The following GRIA4 variants were observed in gnomAD, a reference collection of about 807,000 sequenced individuals.
The protein encoded by GRIA4 is glutamate receptor 4.
GRIA4 carries 34 observed loss-of-function variants against 104.0 expected under a neutral mutation model. The ratio of observed to expected loss-of-function variants is 0.33; its 90% confidence interval spans 0.25 to 0.44. GRIA4 has a LOEUF of 0.44. Ranked by LOEUF, GRIA4 falls within the 20% of genes least tolerant of loss-of-function variation. The pLI, the probability that GRIA4 is intolerant of heterozygous loss-of-function variation, is 1.00. For synonymous variants in GRIA4, 386 were observed against 381.9 expected (o/e 1.01, Z -0.13); for missense variants, 750 against 1,096.5 (o/e 0.68, Z 4.46).
chr11:105,626,702 C>T (rs902391994), intron 3 of GRIA4, among the ~76,000 whole-genome samples: 3 of 152,298 alleles, frequency 2.0e-5, no homozygotes, highest in South Asian at 2.1e-4. Flanking sequence ...GTCTGTTGAT[C>T]ATGAGAGTTC....
At position 105,806,706 on chromosome 11, in the gene GRIA4, T is replaced by C. The variant is rs532098236; in HGVS notation, c.487+53486T>C. ...CTAGTGAGCTTTTTAGTGCCTTATT[T>C]GTAAATATTAGTGCACAGCCACTGA... On this transcript the variant is annotated intron_variant, in intron 4 of 16. Transcript: ENST00000282499. 8.6e-5 allele frequency among the ~76,000 whole-genome samples: 13 copies of C among 151,588 alleles called. 1 individual carries two copies. The South Asian group carries it at 2.5e-3, about 29-fold the overall frequency.
At chr11:105,673,876 T>C (rs1952453331) in intron 3 of GRIA4, among the ~76,000 whole-genome samples, 1 of 152,066 alleles carries the variant, frequency 6.6e-6, no homozygotes, top group African/African-American at 2.4e-5. Context: ...TTCTAAAAAT[T>C]AGCCATATCA....
In GRIA4 at chr11:105,981,083, A is replaced by T. The variant is rs1431216867; in HGVS notation, c.*1344A>T. The T allele has an allele frequency of 6.6e-6, 1 of 152,664 alleles. No individual in the cohort carries two copies. The highest frequency in any genetic ancestry group is 1.5e-5 in the Non-Finnish European group (1 of 68,044). The allele number at this position is 152,664 out of a possible 1,614,324, so 9.5% of individuals were successfully genotyped here. A position where few individuals can be genotyped will look rare whatever the true frequency, so the allele number is the denominator to read the frequency against. ...TCATAATAGCTTGGGGTAGATAACA[A>T]ATGAAGAATTAGTCTTTGTTTTCAA... On this transcript the variant is annotated 3_prime_UTR_variant, in exon 17 of 17. Transcript: ENST00000282499.
At chr11:105,789,732 GAA>G (rs1942132790) in intron 4 of GRIA4, among the ~76,000 whole-genome samples, 1 of 152,072 alleles carries the variant, frequency 6.6e-6, no homozygotes, top group Admixed American at 6.6e-5. Flanking sequence ...TTACTTAAAA[GAA>G]AAACACTAAA....
chr11:105,951,518 G>T (rs1173358945), intron 14 of GRIA4, among the ~76,000 whole-genome samples: 1 of 152,192 alleles, frequency 6.6e-6, no homozygotes, highest in Non-Finnish European at 1.5e-5. Context: ...GGAATGGCCT[G>T]AGGCAGGGAC....
intron 3 of GRIA4, among the ~76,000 whole-genome samples, chr11:105,711,571 T>A (rs1454159156): frequency 6.6e-6 from 1 of 152,148 alleles, no homozygotes. Flanking sequence ...AAATAACCTG[T>A]AAATGAACCC....
At chr11:105,785,389 T>C (rs1421164856) in intron 4 of GRIA4, among the ~76,000 whole-genome samples, 1 of 152,116 alleles carries the variant, frequency 6.6e-6, no homozygotes, top group African/African-American at 2.4e-5. Context: ...TTCTATTAAA[T>C]GAGGAATAAG....
chr11:105,768,758 T>C (rs1207082651), intron 4 of GRIA4, among the ~76,000 whole-genome samples: 1 of 152,050 alleles, frequency 6.6e-6, no homozygotes, highest in Non-Finnish European at 1.5e-5. Flanking sequence ...TTATTTGCTA[T>C]GTGTACCATG....
At chr11:105,859,594 C>G (rs1204806244) in intron 4 of GRIA4, among the ~76,000 whole-genome samples, 2 of 152,094 alleles carry the variant, frequency 1.3e-5, no homozygotes, top group African/African-American at 4.8e-5. Flanking sequence ...ACATGGATGC[C>G]TAGTCCTGAC....
At chr11:105,824,462 G>A (rs188270917) in intron 4 of GRIA4, among the ~76,000 whole-genome samples, 5 of 152,090 alleles carry the variant, frequency 3.3e-5, no homozygotes, top group Admixed American at 2.0e-4. Flanking sequence ...CCACCTACAC[G>A]TGTTGCTTCC....
chr11:105,712,658 T>C (rs1051995152), intron 3 of GRIA4, among the ~76,000 whole-genome samples: 2 of 152,078 alleles, frequency 1.3e-5, no homozygotes, highest in African/African-American at 2.4e-5. Context: ...GCTTAGTGAA[T>C]CCGTTTCACA....
chr11:105,850,360 A>G (rs1944760066), intron 4 of GRIA4, among the ~76,000 whole-genome samples: 1 of 152,220 alleles, frequency 6.6e-6, no homozygotes, highest in African/African-American at 2.4e-5. Context: ...TTATCCCTGC[A>G]TCAATAAAAG....
chr11:105,887,776 AAGAG>A (rs1946319443), intron 6 of GRIA4, among the ~76,000 whole-genome samples: 1 of 152,180 alleles, frequency 6.6e-6, no homozygotes, highest in African/African-American at 2.4e-5. Flanking sequence ...GTATCTGCTA[AAGAG>A]ACCTTTAAAA....
chr11:105,726,923 G>A (rs1366942309), intron 3 of GRIA4, among the ~76,000 whole-genome samples: 1 of 151,918 alleles, frequency 6.6e-6, no homozygotes, highest in Non-Finnish European at 1.5e-5. Context: ...CCACAAAGAT[G>A]AGGAAAAACC....
rs189925157 is a variant in GRIA4, at chr11:105,894,039, T to C, written c.727-4230T>C. Among the ~76,000 whole-genome samples the C allele has an allele frequency of 3.3e-3, 498 of 152,300 alleles. 4 individuals carry two copies. The highest frequency in any genetic ancestry group is 0.011 in the African/African-American group (473 of 41,570). On this transcript the variant is annotated intron_variant, in intron 6 of 16. Transcript: ENST00000282499. ...ATGAAATAAATATCTGTTGAGTGAATTAATTGATAATAGTGATCATTTACT... is the reference window on the plus strand; with the variant it reads ...ATGAAATAAATATCTGTTGAGTGAACTAATTGATAATAGTGATCATTTACT...
chr11:105,939,015 C>A (rs1948119617), intron 14 of GRIA4, among the ~76,000 whole-genome samples: 1 of 152,094 alleles, frequency 6.6e-6, no homozygotes, highest in Non-Finnish European at 1.5e-5. Flanking sequence ...ATTACAACTC[C>A]TCATGAAGAA....
chr11:105,871,454 T>C (rs1039762609), intron 5 of GRIA4, among the ~76,000 whole-genome samples: 15 of 150,988 alleles, frequency 9.9e-5, no homozygotes, highest in African/African-American at 3.6e-4. Context: ...TTTTTTGTGT[T>C]TTATTTCTAT....
intron 10 of GRIA4, chr11:105,912,789 A>T: frequency 1.0e-6 from 1 of 982,978 alleles, no homozygotes; most frequent in Non-Finnish European, 1.2e-6. Context: ...GTAGTCCAGG[A>T]CCTATGATAT....
intron 3 of GRIA4, among the ~76,000 whole-genome samples, chr11:105,713,240 G>T (rs1286330236): frequency 6.6e-6 from 1 of 151,906 alleles, no homozygotes; most frequent in Non-Finnish European, 1.5e-5. Flanking sequence ...AAAATTAGCT[G>T]GGCGTCGTGG....
Sources: gnomAD v4.1 joint callset for allele counts (sites outside exome capture counted in the v4.1 genomes callset) on GRCh38, gnomAD v4.1.1 for gene constraint, MANE v1.5 for transcripts, NCBI Gene and HGNC (gene_info 2026-07-23, HGNC 2026-07-21) for gene names.